The following CDH1 variants were observed in gnomAD, a reference collection of about 807,000 sequenced individuals.
CDH1 encodes cadherin 1.
CDH1 carries 35 observed loss-of-function variants against 84.5 expected under a neutral mutation model. That is an observed-to-expected ratio of 0.41 (90% CI 0.32 to 0.55). The LOEUF (loss-of-function observed/expected upper bound fraction) is 0.55. CDH1 is among the 20% of genes least tolerant of loss of function. CDH1 has a pLI of 0.19. For synonymous variants in CDH1, 417 were observed against 439.0 expected (o/e 0.95, Z 0.63); for missense variants, 994 against 1,126.6 (o/e 0.88, Z 1.68).
At chr16:68,775,283 T>C (rs927460684) in intron 2 of CDH1, among the ~76,000 whole-genome samples, 2 of 152,198 alleles carry the variant, frequency 1.3e-5, no homozygotes, top group Admixed American at 6.5e-5. Context: ...CTAAATACTT[T>C]AGTCTGCATC....
chr16:68,738,256 C>T (rs1239507544), intron 1 of CDH1, 41 bp from the exon 2 acceptor site: 1 of 1,332,022 alleles, frequency 7.5e-7, no homozygotes, highest in Non-Finnish European at 1.1e-6. Flanking sequence ...GGAGGGAACC[C>T]TCCGAGTCAC....
intron 3 of CDH1, 88 bp downstream of exon 3, chr16:68,801,981 G>T: frequency 8.9e-7 from 1 of 1,122,908 alleles, no homozygotes; most frequent in Non-Finnish European, 1.3e-6. Flanking sequence ...TTGACATTTT[G>T]GGCTGGATGA....
chr16:68,806,010 C>G (rs754999498), intron 3 of CDH1, among the ~76,000 whole-genome samples: 1 of 152,052 alleles, frequency 6.6e-6, no homozygotes, highest in African/African-American at 2.4e-5. Context: ...TGCAGTGACA[C>G]AATCTCGGCT....
intron 14 of CDH1, 137 bp from the exon 15 acceptor site, chr16:68,829,517 T>G: frequency 1.1e-6 from 1 of 895,134 alleles, no homozygotes; most frequent in South Asian, 1.5e-5. Flanking sequence ...AACTGTCATT[T>G]TGCATTAAAC....
intron 2 of CDH1, among the ~76,000 whole-genome samples, chr16:68,748,436 G>A (rs1962804809): frequency 6.6e-6 from 1 of 152,152 alleles, no homozygotes; most frequent in Non-Finnish European, 1.5e-5. Flanking sequence ...TAATTTCTGT[G>A]GGTACAAAGT....
chr16:68,832,690 C>T (rs1171339304), intron 15 of CDH1, among the ~76,000 whole-genome samples: 3 of 151,870 alleles, frequency 2.0e-5, no homozygotes, highest in Non-Finnish European at 4.4e-5. Context: ...CATGGTGGCG[C>T]ATGCCTGTAG....
chr16:68,832,847 A>G (rs147433342), intron 15 of CDH1, among the ~76,000 whole-genome samples: 32 of 152,172 alleles, frequency 2.1e-4, no homozygotes, highest in African/African-American at 7.5e-4. Context: ...GAAAAAAAAT[A>G]CAAGTCCTTC....
intron 2 of CDH1, among the ~76,000 whole-genome samples, chr16:68,794,685 CTTT>C (rs34110311): frequency 7.9e-6 from 1 of 126,432 alleles, no homozygotes; most frequent in Non-Finnish European, 1.7e-5. Context: ...GCCGGGCTAA[CTTT>C]TTTTTTTTTT....
chr16:68,792,233 T>C (rs112970817), intron 2 of CDH1, among the ~76,000 whole-genome samples: 3 of 141,124 alleles, frequency 2.1e-5, no homozygotes, highest in South Asian at 2.2e-4. Context: ...AACACTGACT[T>C]TTTTTTTTTT....
At chr16:68,796,492 C>T (rs1420250087) in intron 2 of CDH1, among the ~76,000 whole-genome samples, 3 of 152,308 alleles carry the variant, frequency 2.0e-5, no homozygotes, top group South Asian at 2.1e-4. Context: ...GAAACGGGAT[C>T]GTCAAAGTGG....
chr16:68,806,167 T>TATTA (rs1353690271), intron 3 of CDH1, among the ~76,000 whole-genome samples: 1 of 150,894 alleles, frequency 6.6e-6, no homozygotes, highest in African/African-American at 2.4e-5. Context: ...TTTATTTATT[T>TATTA]TTGAGACAGA....
chr16:68,738,936 C>CT (rs1555509828), intron 2 of CDH1, among the ~76,000 whole-genome samples: 489 of 11,428 alleles, frequency 0.043, 97 homozygotes, highest in African/African-American at 0.099. Context: ...GATATAAAAG[C>CT]TTTTTTTTTT....
intron 13 of CDH1, 30 bp downstream of exon 13, chr16:68,823,656 T>A (rs2152139744): frequency 6.8e-7 from 1 of 1,470,144 alleles, no homozygotes; most frequent in Non-Finnish European, 9.5e-7. Context: ...GACTCAGCCT[T>A]TGACTTAAAA....
intron 2 of CDH1, chr16:68,765,249 G>T (rs1319331009): frequency 6.6e-6 from 1 of 152,192 alleles, no homozygotes; most frequent in Non-Finnish European, 1.5e-5. Flanking sequence ...GTACAGTGGC[G>T]TGATCTCGGC....
chr16:68,823,122 C>T (rs553065906), intron 12 of CDH1: 165 of 431,304 alleles, frequency 3.8e-4, no homozygotes, highest in Middle Eastern at 3.4e-3. Flanking sequence ...CCAGCGACAT[C>T]TGAAGAGCCC....
At chr16:68,751,465 C>T (rs890960121) in intron 2 of CDH1, among the ~76,000 whole-genome samples, 8 of 151,976 alleles carry the variant, frequency 5.3e-5, no homozygotes, top group Admixed American at 2.6e-4. Context: ...ATGTCACTCC[C>T]GCCCTCAGGG....
chr16:68,816,056 C>T (rs961387372), intron 10 of CDH1, among the ~76,000 whole-genome samples: 5 of 152,080 alleles, frequency 3.3e-5, no homozygotes, highest in African/African-American at 7.2e-5. Context: ...CTCACTTTGT[C>T]GCCCAGGCTA....
At chr16:68,763,068 T>C (rs1002907462) in intron 2 of CDH1, among the ~76,000 whole-genome samples, 1 of 152,132 alleles carries the variant, frequency 6.6e-6, no homozygotes, top group African/African-American at 2.4e-5. Context: ...GATAAATCAA[T>C]TGTAAAAAGT....
chr16:68,755,328 G>T (rs1962992147), intron 2 of CDH1, among the ~76,000 whole-genome samples: 2 of 149,526 alleles, frequency 1.3e-5, no homozygotes, highest in Non-Finnish European at 3.0e-5. Context: ...TATCTTGAGG[G>T]GACTGGACTT....
Sources: gnomAD v4.1 joint callset for allele counts (sites outside exome capture counted in the v4.1 genomes callset) on GRCh38, gnomAD v4.1.1 for gene constraint, MANE v1.5 for transcripts, NCBI Gene and HGNC (gene_info 2026-07-23, HGNC 2026-07-21) for gene names.